Variants in WDR27 observed in about 807,000 individuals in gnomAD.
WDR27 encodes the protein WD repeat domain 27, also known as WD repeat-containing protein 27.
A neutral mutation model predicts 114.4 loss-of-function variants in WDR27; 100 were observed. That is an observed-to-expected ratio of 0.87 (90% CI 0.74 to 1.03). The LOEUF (loss-of-function observed/expected upper bound fraction) is 1.03, where lower values mean the gene tolerates loss of function less well. WDR27 is among the 50% of genes least tolerant of loss of function. The probability of loss-of-function intolerance (pLI) is 0.00; values close to 1 mark genes in which losing one functional copy is unlikely to be tolerated. For missense variants in WDR27, 1,129 were observed against 1,092.9 expected (o/e 1.03, Z -0.47); for synonymous variants, 449 against 423.1 (o/e 1.06, Z -0.75).
At chr6:169,557,174 G>C (rs1414454053) in intron 25 of WDR27, among the ~76,000 whole-genome samples, 1 of 152,218 alleles carries the variant, frequency 6.6e-6, no homozygotes, top group African/African-American at 2.4e-5. Context: ...TGGGTAAACT[G>C]TGTTTCTCCC....
chr6:169,492,562 T>C (rs1789909328), intron 25 of WDR27, among the ~76,000 whole-genome samples: 1 of 152,098 alleles, frequency 6.6e-6, no homozygotes, highest in Admixed American at 6.5e-5. Context: ...TTCAAGTTTA[T>C]ACCAAGCTAA....
At chr6:169,618,625 T>A (rs553353500) in intron 21 of WDR27, among the ~76,000 whole-genome samples, 633 of 45,740 alleles carry the variant, frequency 0.014, 2 homozygotes, top group African/African-American at 0.045. Flanking sequence ...CTTGGATGAC[T>A]GCAAAAAAAA....
the WDR27 span, chr6:169,427,005 A>C: frequency 6.6e-6 from 1 of 151,240 alleles, no homozygotes; most frequent in Non-Finnish European, 1.5e-5. Flanking sequence ...TACCATCCTG[A>C]CCTTGTTGGA....
chr6:169,575,276 C>A (rs551662303), intron 24 of WDR27, among the ~76,000 whole-genome samples: 1 of 144,700 alleles, frequency 6.9e-6, no homozygotes, highest in African/African-American at 2.5e-5. Flanking sequence ...CTCTCTCCAT[C>A]CATCCCTCCC....
intron 23 of WDR27, among the ~76,000 whole-genome samples, chr6:169,600,229 T>C (rs946278396): frequency 6.1e-4 from 93 of 152,242 alleles, no homozygotes; most frequent in Non-Finnish European, 1.1e-3. Context: ...TCCAGCAAAC[T>C]CCAACAGACC....
In WDR27 at chr6:169,576,099, A is replaced by G. The variant is rs566866082; in HGVS notation, c.2524-3559T>C. 2.6e-5 allele frequency among the ~76,000 whole-genome samples: 4 copies of G among 152,394 alleles called. 1 individual carries two copies. The South Asian group carries it at 6.2e-4, about 24-fold the overall frequency. ...TTTAGATACTTCTATAGACAGAGAC[A>G]GCACCAGATGAACACCACTCCTAAA... On this transcript the variant is annotated intron_variant, in intron 24 of 25. Transcript: ENST00000448612.
intron 25 of WDR27, among the ~76,000 whole-genome samples, chr6:169,570,800 G>C (rs1801278131): frequency 6.6e-6 from 1 of 152,150 alleles, no homozygotes; most frequent in Non-Finnish European, 1.5e-5. Flanking sequence ...TTGCACTCCA[G>C]CCTGGGCCAC....
chr6:169,656,276 G>A (rs893846783), intron 13 of WDR27, among the ~76,000 whole-genome samples: 1 of 152,308 alleles, frequency 6.6e-6, no homozygotes, highest in African/African-American at 2.4e-5. Context: ...GAAGGGTGGG[G>A]GCCAATCAGA....
intron 24 of WDR27, among the ~76,000 whole-genome samples, chr6:169,575,899 G>A (rs142476687): frequency 2.6e-5 from 4 of 152,322 alleles, no homozygotes; most frequent in African/African-American, 9.6e-5. Context: ...TTTCACAAAT[G>A]TTAGTGAAGG....
intron 1 of WDR27, among the ~76,000 whole-genome samples, chr6:169,693,228 T>C: frequency 6.6e-6 from 1 of 152,098 alleles, no homozygotes; most frequent in South Asian, 2.1e-4. Context: ...AAGAATTTTG[T>C]ATCCAGCAAA....
In WDR27 at chr6:169,634,117, T is replaced by C. The variant is rs541634165; in HGVS notation, c.2101+311A>G. Among the ~76,000 whole-genome samples, 12 of 152,272 alleles carry C rather than the reference T, an allele frequency of 7.9e-5. No homozygotes were observed. In the South Asian group the frequency reaches 1.2e-3, roughly 16 times the overall value. On this transcript the variant is annotated intron_variant, in intron 20 of 25. Coordinates refer to ENST00000448612, the MANE Select transcript of WDR27 (RefSeq NM_182552.5). Reference sequence around the variant, plus strand: ...ATTTTTGCCAGCTATGCAGATGAGATACAATGACTAAATTAGTAGACATTA... The same window carrying C: ...ATTTTTGCCAGCTATGCAGATGAGACACAATGACTAAATTAGTAGACATTA...
chr6:169,675,100 G>A (rs1043241738), intron 2 of WDR27, among the ~76,000 whole-genome samples: 4 of 152,172 alleles, frequency 2.6e-5, no homozygotes, highest in Admixed American at 1.3e-4. Context: ...GGTCACAGGG[G>A]ATATGATGGC....
chr6:169,680,379 G>A (rs1162554614), intron 2 of WDR27, among the ~76,000 whole-genome samples: 4 of 152,246 alleles, frequency 2.6e-5, no homozygotes, highest in Admixed American at 1.3e-4. Flanking sequence ...TCAGGAGATC[G>A]AGACCATCCT....
chr6:169,674,910 C>T (rs777146371), intron 2 of WDR27, among the ~76,000 whole-genome samples: 6 of 151,988 alleles, frequency 3.9e-5, no homozygotes, highest in African/African-American at 9.7e-5. Flanking sequence ...TGTTCTCTGG[C>T]GGGCAGGAGT....
intron 25 of WDR27, among the ~76,000 whole-genome samples, chr6:169,514,790 A>C (rs1448548240): frequency 6.7e-6 from 1 of 148,686 alleles, no homozygotes; most frequent in Non-Finnish European, 1.5e-5. Context: ...TCATTTCAAT[A>C]GCTTCAGAAA....
rs551097250 is a variant in WDR27, at chr6:169,664,592, A to T, written c.784-306T>A. ...ACCCCAGGCCCCAGGCTCTCTGCAC[A>T]CACCCCACAGCTTCACAGCCAAGAG... is the stretch of plus-strand genomic sequence containing the variant. On this transcript the variant is annotated intron_variant, in intron 7 of 25. Transcript: ENST00000448612. The T allele has an allele frequency of 9.6e-5, 119 of 1,241,742 alleles. No individual in the cohort carries two copies. In the South Asian group the frequency reaches 2.1e-3, roughly 22 times the overall value. The allele number at this position is 1,241,742 out of a possible 1,614,324, so 76.9% of individuals were successfully genotyped here. A position where few individuals can be genotyped will look rare whatever the true frequency, so the allele number is the denominator to read the frequency against.
intron 6 of WDR27, chr6:169,666,553 G>A: frequency 2.0e-6 from 2 of 985,538 alleles, no homozygotes; most frequent in South Asian, 4.7e-5. Flanking sequence ...GGCTGCACGG[G>A]AGAGGTGCTG....
At chr6:169,538,703 T>TACACAC (rs10644528) in intron 25 of WDR27, among the ~76,000 whole-genome samples, 2,199 of 143,908 alleles carry the variant, frequency 0.015, 55 homozygotes, top group East Asian at 0.12. Flanking sequence ...CATACTGGAA[T>TACACAC]ACACACACAC....
intron 25 of WDR27, among the ~76,000 whole-genome samples, chr6:169,505,797 T>C (rs900482937): frequency 6.6e-6 from 1 of 152,366 alleles, no homozygotes; most frequent in Admixed American, 6.5e-5. Flanking sequence ...GGAAGGCTTA[T>C]TAAAATGCTG....
Sources: allele counts gnomAD v4.1 joint callset (sites outside exome capture counted in the v4.1 genomes callset), GRCh38; gene constraint gnomAD v4.1.1; transcripts MANE v1.5; gene names NCBI Gene and HGNC (gene_info 2026-07-23, HGNC 2026-07-21).